Variants in GRIA1 observed in about 807,000 individuals in gnomAD.
The protein encoded by GRIA1 is glutamate ionotropic receptor AMPA type subunit 1.
A neutral mutation model predicts 99.2 loss-of-function variants in GRIA1; 31 were observed. That is an observed-to-expected ratio of 0.31 (90% confidence interval 0.23 to 0.42). The LOEUF (loss-of-function observed/expected upper bound fraction) is 0.42, where lower values mean the gene tolerates loss of function less well. GRIA1 is among the 10% of genes least tolerant of loss of function. GRIA1 has a pLI of 1.00. For synonymous variants in GRIA1, 438 were observed against 432.4 expected, an observed-to-expected ratio of 1.01 and a Z score of -0.16; for missense variants, 782 against 1,157.5, an observed-to-expected ratio of 0.68 and a Z score of 4.71.
At chr5:153,496,231 A>G (rs1355843017) in intron 2 of GRIA1, among the ~76,000 whole-genome samples, 4 of 152,238 alleles carry the variant, frequency 2.6e-5, no homozygotes, top group Non-Finnish European at 4.4e-5. Context: ...CAGAAATATG[A>G]TACAGACAAT....
intron 11 of GRIA1, among the ~76,000 whole-genome samples, chr5:153,742,415 C>T (rs1761872006): frequency 6.6e-6 from 1 of 152,180 alleles, no homozygotes. Flanking sequence ...CATAACAGAA[C>T]TTAAATCTTA....
At chr5:153,664,463 T>C (rs926954069) in intron 5 of GRIA1, among the ~76,000 whole-genome samples, 1 of 151,772 alleles carries the variant, frequency 6.6e-6, no homozygotes, top group East Asian at 1.9e-4. Context: ...CCTCAATACA[T>C]GCATATTTTC....
chr5:153,600,176 G>A (rs1764791740), intron 2 of GRIA1, among the ~76,000 whole-genome samples: 2 of 151,958 alleles, frequency 1.3e-5, no homozygotes, highest in South Asian at 4.1e-4. Context: ...TGGATCGCGA[G>A]GTCAGAAGAT....
At chr5:153,711,268 C>T (rs4485972) in intron 11 of GRIA1, among the ~76,000 whole-genome samples, 2 of 151,940 alleles carry the variant, frequency 1.3e-5, no homozygotes, top group African/African-American at 4.8e-5. Flanking sequence ...AAATGAATTG[C>T]GGCAGAGAAG....
intron 2 of GRIA1, among the ~76,000 whole-genome samples, chr5:153,611,800 GTGAGCACTGGCAGGGGAAA>G (rs1462193122): frequency 1.3e-5 from 2 of 152,198 alleles, no homozygotes; most frequent in Non-Finnish European, 2.9e-5. Flanking sequence ...CCAAAGCTAC[GTGAGCACTGGCAGGGGAAA>G]GGTGTTCTCT....
intron 2 of GRIA1, among the ~76,000 whole-genome samples, chr5:153,557,481 A>G (rs1239555531): frequency 6.6e-6 from 1 of 152,210 alleles, no homozygotes; most frequent in Non-Finnish European, 1.5e-5. Context: ...TTTACTGTAC[A>G]AACTTTTAAA....
chr5:153,659,573 A>G (rs1755208122), intron 5 of GRIA1, among the ~76,000 whole-genome samples: 1 of 152,190 alleles, frequency 6.6e-6, no homozygotes, highest in African/African-American at 2.4e-5. Flanking sequence ...CCAGAAGCAA[A>G]TCTTAGACCA....
chr5:153,649,742 G>A (rs770069276), intron 3 of GRIA1, among the ~76,000 whole-genome samples: 14 of 152,228 alleles, frequency 9.2e-5, no homozygotes, highest in Middle Eastern at 3.4e-3. Flanking sequence ...GATTACAGGC[G>A]TGAGCCACTG....
In GRIA1 at chr5:153,813,864, C is replaced by G. The variant is rs1344129295; in HGVS notation, c.*2639C>G. On this transcript the variant is annotated 3_prime_UTR_variant, in exon 16 of 16. Transcript: ENST00000285900. ...CACCGAATATTAAATCACTGTGGAT[C>G]CATTATCTACTTTTCATATTTGTCC... 2.0e-5 allele frequency: 3 copies of G among 152,124 alleles called. No individual in the cohort carries two copies. Among genetic ancestry groups the G allele is most frequent in the Non-Finnish European group, 4.4e-5 (3 of 68,026 alleles). The allele number at this position is 152,124 out of a possible 1,614,324, so 9.4% of individuals were successfully genotyped here. A position where few individuals can be genotyped will look rare whatever the true frequency, so the allele number is the denominator to read the frequency against.
chr5:153,764,933 C>T (rs527623384), intron 12 of GRIA1, among the ~76,000 whole-genome samples: 9 of 152,284 alleles, frequency 5.9e-5, no homozygotes, highest in African/African-American at 1.7e-4. Flanking sequence ...TCTGTTATCA[C>T]GGAAACCTTA....
intron 13 of GRIA1, among the ~76,000 whole-genome samples, chr5:153,774,756 A>G (rs1440943856): frequency 6.6e-6 from 1 of 152,248 alleles, no homozygotes; most frequent in African/African-American, 2.4e-5. Flanking sequence ...ACTGACATCT[A>G]AGGCCCAAAT....
At chr5:153,712,011 G>A (rs1365831203) in intron 11 of GRIA1, among the ~76,000 whole-genome samples, 2 of 152,070 alleles carry the variant, frequency 1.3e-5, no homozygotes, top group Non-Finnish European at 2.9e-5. Context: ...GAGGTCTCCT[G>A]GAGCCTGATA....
intron 2 of GRIA1, among the ~76,000 whole-genome samples, chr5:153,543,760 A>G (rs11749744): frequency 0.38 from 57,288 of 152,148 alleles, 12,976 homozygotes; most frequent in Non-Finnish European, 0.51. Context: ...GGGCTAAACC[A>G]TCAGAGGCAG....
At chr5:153,794,595 C>T (rs761752837) in intron 13 of GRIA1, 26 bp from the exon 14 acceptor site, 52 of 1,427,434 alleles carry the variant, frequency 3.6e-5, no homozygotes, top group Admixed American at 8.4e-5. Context: ...TGTTACTCAT[C>T]GAGTGTTATT....
At chr5:153,585,547 G>C (rs1581270444) in intron 2 of GRIA1, among the ~76,000 whole-genome samples, 1 of 151,998 alleles carries the variant, frequency 6.6e-6, no homozygotes, top group South Asian at 2.1e-4. Flanking sequence ...GACCTCAGGT[G>C]ATCCGCCCTC....
intron 2 of GRIA1, among the ~76,000 whole-genome samples, chr5:153,554,551 T>C (rs1760447735): frequency 6.6e-6 from 1 of 152,204 alleles, no homozygotes; most frequent in African/African-American, 2.4e-5. Context: ...TGGAATGCAG[T>C]GGCGTGATCT....
At chr5:153,678,844 C>T (rs1208822612) in intron 7 of GRIA1, among the ~76,000 whole-genome samples, 1 of 152,248 alleles carries the variant, frequency 6.6e-6, no homozygotes, top group Non-Finnish European at 1.5e-5. Flanking sequence ...CAGCTGGGCC[C>T]CTGGCTCTCT....
intron 11 of GRIA1, among the ~76,000 whole-genome samples, chr5:153,750,388 C>CA (rs2149588516): frequency 6.6e-6 from 1 of 152,288 alleles, no homozygotes; most frequent in Non-Finnish European, 1.5e-5. Flanking sequence ...AGGTTGCACT[C>CA]AGTGACCTCT....
At chr5:153,767,160 A>G (rs148941069) in intron 12 of GRIA1, among the ~76,000 whole-genome samples, 1 of 152,228 alleles carries the variant, frequency 6.6e-6, no homozygotes, top group Non-Finnish European at 1.5e-5. Flanking sequence ...AAAAAAAGGC[A>G]TAATTATTAG....
Sources: gnomAD v4.1 joint callset for allele counts (sites outside exome capture counted in the v4.1 genomes callset) on GRCh38, gnomAD v4.1.1 for gene constraint, MANE v1.5 for transcripts, NCBI Gene and HGNC (gene_info 2026-07-23, HGNC 2026-07-21) for gene names.